Variants in PLXNA4 observed in about 807,000 individuals in gnomAD.
PLXNA4 encodes plexin A4, also known as plexin-A4.
Under a neutral mutation model 191.8 loss-of-function variants are expected in PLXNA4, and 44 were observed. That is an observed-to-expected ratio of 0.23 (90% CI 0.18 to 0.29). The LOEUF (loss-of-function observed/expected upper bound fraction) is 0.29, where lower values mean the gene tolerates loss of function less well. PLXNA4 is among the 10% of genes least tolerant of loss of function. The pLI is 1.00. For synonymous variants in PLXNA4, 1,082 were observed against 1,009.5 expected, an observed-to-expected ratio of 1.07 and a Z score of -1.36; for missense variants, 1,800 against 2,488.8, an observed-to-expected ratio of 0.72 and a Z score of 5.89.
chr7:132,346,059 C>T (rs1803234640), intron 3 of PLXNA4, among the ~76,000 whole-genome samples: 1 of 152,220 alleles, frequency 6.6e-6, no homozygotes, highest in African/African-American at 2.4e-5. Flanking sequence ...ATGACCTTCT[C>T]TCTGGGTCTT....
In PLXNA4 at chr7:132,398,432, G is replaced by A. The variant is rs144468006; in HGVS notation, c.1371+90860C>T. Among the ~76,000 whole-genome samples the A allele has an allele frequency of 4.6e-3, 703 of 152,292 alleles. 7 individuals carry two copies. Among genetic ancestry groups the A allele is most frequent in the African/African-American group, 0.016 (663 of 41,570 alleles). On this transcript the variant is annotated intron_variant, in intron 3 of 31. Transcript: ENST00000321063. ...TCGCAACAAGGAACCACACATCCAA[G>A]GCAGCCAAGCCAGGAGGGCCCTGGG...
At chr7:132,516,211 A>T (rs1369642914) in intron 1 of PLXNA4, among the ~76,000 whole-genome samples, 1 of 148,892 alleles carries the variant, frequency 6.7e-6, no homozygotes, top group Admixed American at 6.8e-5. Context: ...AAAATACTCC[A>T]TTTTGTCCTT....
intron 22 of PLXNA4, among the ~76,000 whole-genome samples, chr7:132,167,749 A>G (rs1345899316): frequency 6.6e-6 from 1 of 152,086 alleles, no homozygotes; most frequent in Non-Finnish European, 1.5e-5. Flanking sequence ...GTTGCCTGCT[A>G]TGTTGTCCAG....
chr7:132,295,169 C>T lies in PLXNA4; in HGVS notation c.1503+2922G>A, dbSNP rs372254593. On this transcript the variant is annotated intron_variant, in intron 4 of 31. Coordinates refer to ENST00000321063, the MANE Select transcript of PLXNA4 (RefSeq NM_020911.2). ...TTTTCCAATTCTGGTTCAATGAGGG[C>T]ACTGGGGACTCATTCATTAAAAAAT... Among the ~76,000 whole-genome samples, 5 of 152,206 alleles carry T rather than the reference C, an allele frequency of 3.3e-5. No homozygotes were observed. The East Asian group carries it at 7.7e-4, about 24-fold the overall frequency.
chr7:132,603,684 A>T (rs78278032), intron 2 of PLXNA4, among the ~76,000 whole-genome samples: 3,929 of 152,282 alleles, frequency 0.026, 164 homozygotes, highest in African/African-American at 0.087. Flanking sequence ...AGCATGCAAA[A>T]GGGCAGGGCC....
chr7:132,401,554 G>A (rs80346215), intron 3 of PLXNA4, among the ~76,000 whole-genome samples: 420 of 152,324 alleles, frequency 2.8e-3, no homozygotes, highest in Middle Eastern at 0.02. Flanking sequence ...CTGAACAGAC[G>A]CATAAGGTTA....
intron 9 of PLXNA4, among the ~76,000 whole-genome samples, chr7:132,213,351 C>A (rs986560383): frequency 6.6e-6 from 1 of 152,198 alleles, no homozygotes; most frequent in Non-Finnish European, 1.5e-5. Flanking sequence ...ATCCTTAAAA[C>A]CGGTTCAGAT....
chr7:132,522,583 G>A (rs1799233593), intron 1 of PLXNA4, among the ~76,000 whole-genome samples: 2 of 152,180 alleles, frequency 1.3e-5, no homozygotes, highest in Admixed American at 6.5e-5. Flanking sequence ...ATTAGCCTGG[G>A]CAATTTGGTG....
At chr7:132,160,520 G>A (rs964401885) in intron 24 of PLXNA4, among the ~76,000 whole-genome samples, 10 of 152,140 alleles carry the variant, frequency 6.6e-5, no homozygotes, top group Middle Eastern at 3.2e-3. Flanking sequence ...CGACGGCACC[G>A]TGTGGGCTCC....
At chr7:132,288,994 C>A (rs1358038159) in intron 4 of PLXNA4, among the ~76,000 whole-genome samples, 1 of 152,168 alleles carries the variant, frequency 6.6e-6, no homozygotes, top group Admixed American at 6.5e-5. Flanking sequence ...CTGGTGGAGG[C>A]AACATCCACT....
intron 10 of PLXNA4, among the ~76,000 whole-genome samples, chr7:132,205,352 G>A (rs1008370091): frequency 1.3e-5 from 2 of 152,198 alleles, no homozygotes; most frequent in African/African-American, 2.4e-5. Context: ...CTAAAGATGA[G>A]GAGCATTTTG....
At chr7:132,476,932 TCA>T in intron 3 of PLXNA4, among the ~76,000 whole-genome samples, 1 of 152,316 alleles carries the variant, frequency 6.6e-6, no homozygotes, top group African/African-American at 2.4e-5. Flanking sequence ...AATTTCAGTT[TCA>T]GTTTTAGGAG....
At chr7:132,272,400 A>T (rs1800111528) in intron 4 of PLXNA4, among the ~76,000 whole-genome samples, 1 of 152,238 alleles carries the variant, frequency 6.6e-6, no homozygotes, top group South Asian at 2.1e-4. Context: ...TGCTGTGAAG[A>T]TTAAATTAAA....
At chr7:132,473,128 G>C (rs113229632) in intron 3 of PLXNA4, among the ~76,000 whole-genome samples, 8 of 152,284 alleles carry the variant, frequency 5.3e-5, no homozygotes, top group African/African-American at 1.4e-4. Flanking sequence ...CCCTGCAAAG[G>C]GGGGCAAGGA....
chr7:132,565,964 C>T (rs905223198), intron 1 of PLXNA4, among the ~76,000 whole-genome samples: 1 of 152,226 alleles, frequency 6.6e-6, no homozygotes, highest in Non-Finnish European at 1.5e-5. Context: ...TAATTTAAAA[C>T]TCACTGCAGT....
At chr7:132,134,749 G>A (rs1300079369) in intron 30 of PLXNA4, among the ~76,000 whole-genome samples, 1 of 152,166 alleles carries the variant, frequency 6.6e-6, no homozygotes, top group African/African-American at 2.4e-5. Context: ...TGTTCAGACA[G>A]GCCGCCCTGC....
chr7:132,563,386 C>T (rs1328037114), intron 1 of PLXNA4, among the ~76,000 whole-genome samples: 11 of 106,772 alleles, frequency 1.0e-4, no homozygotes, highest in Non-Finnish European at 1.4e-4. Context: ...TTCTCCTCCT[C>T]CTCCTCTTTC....
chr7:132,425,574 A>C (rs1445285001), intron 3 of PLXNA4, among the ~76,000 whole-genome samples: 4 of 152,050 alleles, frequency 2.6e-5, no homozygotes, highest in Non-Finnish European at 5.9e-5. Context: ...GCCTTACCCC[A>C]GTCAGGGGTA....
chr7:132,390,952 G>A (rs1242381870), intron 3 of PLXNA4, among the ~76,000 whole-genome samples: 2 of 152,220 alleles, frequency 1.3e-5, no homozygotes, highest in East Asian at 1.9e-4. Flanking sequence ...AGAGAAGGCA[G>A]TGGATGGGAA....
Sources: allele counts gnomAD v4.1 joint callset (sites outside exome capture counted in the v4.1 genomes callset), GRCh38; gene constraint gnomAD v4.1.1; transcripts MANE v1.5; gene names NCBI Gene and HGNC (gene_info 2026-07-23, HGNC 2026-07-21).